KIFBP: variants seen among roughly 807,000 people sequenced by gnomAD.
KIFBP encodes kinesin family binding protein.
Under a neutral mutation model 58.9 loss-of-function variants are expected in KIFBP, and 46 were observed. The ratio of observed to expected loss-of-function variants is 0.78; its 90% confidence interval spans 0.62 to 1.00. The LOEUF (loss-of-function observed/expected upper bound fraction) is 1.00, where lower values mean the gene tolerates loss of function less well. Ranked by LOEUF, KIFBP falls within the 50% of genes least tolerant of loss-of-function variation. KIFBP has a pLI of 0.00. For missense variants in KIFBP, 651 were observed against 752.9 expected (o/e 0.86, Z 1.58); for synonymous variants, 241 against 283.4 (o/e 0.85, Z 1.50).
At position 68,989,188 on chromosome 10, in the gene KIFBP, T is replaced by C; in HGVS notation, c.356T>C (p.Val119Ala). Residue 119 changes from valine to alanine, a missense_variant, in exon 1 of 7, where the codon GTG becomes GCG. Val to Ala is a moderately conservative substitution (Grantham distance 64). Transcript: ENST00000361983. ...CTGTCGGCGGGGGAGGAGCACCTGG[T>C]GAAATGCCTGCGGCTGCTGCGCAGG... ...EELSAGEEHL[V>A]KCLRLLRRYR... is the part of the protein sequence containing the mutation. The C allele has an allele frequency of 6.2e-7, 1 of 1,613,640 alleles. No individual in the cohort carries two copies. The highest frequency in any genetic ancestry group is 8.5e-7 in the Non-Finnish European group (1 of 1,179,902).
intron 2 of KIFBP, among the ~76,000 whole-genome samples, chr10:69,000,853 A>C (rs1236243007): frequency 3.3e-5 from 5 of 152,206 alleles, no homozygotes; most frequent in Admixed American, 3.3e-4. Context: ...TGAAAATAGC[A>C]CTACTTGAAG....
intron 1 of KIFBP, among the ~76,000 whole-genome samples, chr10:68,993,637 A>C (rs1843374792): frequency 6.6e-6 from 1 of 151,670 alleles, no homozygotes; most frequent in Non-Finnish European, 1.5e-5. Context: ...TTATCTTTAT[A>C]GAGATGGGGT....
At chr10:69,007,520 T>A (rs932368266) in intron 4 of KIFBP, 1 of 152,168 alleles carries the variant, frequency 6.6e-6, no homozygotes, top group Non-Finnish European at 1.5e-5. Context: ...AAAGCTGAAA[T>A]GACGATAAAT....
chr10:69,008,912 A>T lies in KIFBP; in HGVS notation c.861A>T (p.Ser287=). The change falls in exon 5 of 7, where the codon TCA becomes TCT. Residue 287 remains serine (S), a synonymous_variant. Transcript: ENST00000361983. ...NVIFGQTGKI[S]ATEDTPEAEG... is the part of the protein sequence containing the mutation. The stretch of plus-strand genomic sequence containing the variant: ...TTTTTGGTCAAACTGGAAAGATCTC[A>T]GCCACAGAAGACAGTAAGTTTACCT... The T allele has an allele frequency of 6.2e-7, 1 of 1,611,824 alleles. No individual in the cohort carries two copies. The highest frequency in any genetic ancestry group is 8.5e-7 in the Non-Finnish European group (1 of 1,177,998).
intron 1 of KIFBP, among the ~76,000 whole-genome samples, chr10:68,997,084 T>C (rs911890526): frequency 4.6e-5 from 7 of 152,142 alleles, no homozygotes; most frequent in Non-Finnish European, 8.8e-5. Context: ...TGTATATATA[T>C]TTTTTTAAGT....
chr10:68,993,606 T>C (rs1328127238), intron 1 of KIFBP, among the ~76,000 whole-genome samples: 2 of 152,002 alleles, frequency 1.3e-5, no homozygotes, highest in Non-Finnish European at 1.5e-5. Flanking sequence ...AAGCTTTTTT[T>C]TTTTTAAATT....
At chr10:68,993,098 G>A (rs1197539729) in intron 1 of KIFBP, among the ~76,000 whole-genome samples, 3 of 152,122 alleles carry the variant, frequency 2.0e-5, no homozygotes, top group Non-Finnish European at 4.4e-5. Flanking sequence ...GTTGGGTGAG[G>A]TTTTCCTGAG....
chr10:69,011,395 C>CT (rs10700812), intron 6 of KIFBP: 11,657 of 129,734 alleles, frequency 0.09, 503 homozygotes, highest in Middle Eastern at 0.16. Flanking sequence ...ATATCATATT[C>CT]TTTTTTTTTT....
intron 1 of KIFBP, 119 bp from the exon 2 acceptor site, chr10:69,000,305 T>G: frequency 1.4e-6 from 1 of 722,238 alleles, no homozygotes; most frequent in Non-Finnish European, 2.5e-6. Flanking sequence ...AATAATTAAT[T>G]CATTGGTAAT....
At chr10:69,013,949 C>T (rs1166528886) in intron 6 of KIFBP, among the ~76,000 whole-genome samples, 1 of 152,086 alleles carries the variant, frequency 6.6e-6, no homozygotes, top group East Asian at 1.9e-4. Context: ...CGATGTTTTA[C>T]CATGTTGCCC....
At position 69,016,052 on chromosome 10, in the gene KIFBP, A is replaced by C. The variant is rs756138362; in HGVS notation, c.1502A>C (p.His501Pro). ...GACAGGCTAAGGGATCCTGATTCAC[A>C]CATTGTAAAAAAAATAAATAATCTT... ...IADRLRDPDS[H>P]IVKKINNLNK... Residue 501 changes from histidine (H) to proline (P), a missense_variant, in exon 7 of 7, where the codon CAC (histidine) becomes CCC (proline). Physicochemically the swap from His to Pro is moderately conservative, Grantham distance 77. Coordinates refer to ENST00000361983, the MANE Select transcript of KIFBP (RefSeq NM_015634.4). The C allele has an allele frequency of 6.2e-7, 1 of 1,614,154 alleles. No homozygotes were observed. Among genetic ancestry groups the C allele is most frequent in the Admixed American group, 1.7e-5 (1 of 60,024 alleles).
In KIFBP at chr10:68,989,062, C is replaced by A. The variant is rs755612919; in HGVS notation, c.230C>A (p.Pro77Gln). ...GCCGGTGACCACGCCCTGGGGCTGCCGGCTGAGGTGGTGGAGCCCGAGGGG... is the reference window on the plus strand; with the variant it reads ...GCCGGTGACCACGCCCTGGGGCTGCAGGCTGAGGTGGTGGAGCCCGAGGGG... ...PGAGDHALGLPAEVVEPEGPV... is the reference protein window; with the variant it reads ...PGAGDHALGLQAEVVEPEGPV... Residue 77 changes from proline to glutamine, a missense_variant, in exon 1 of 7, where the codon CCG becomes CAG. Transcript: ENST00000361983. 1.9e-6 allele frequency: 3 copies of A among 1,612,514 alleles called. No individual in the cohort carries two copies. Among genetic ancestry groups the A allele is most frequent in the Non-Finnish European group, 2.5e-6 (3 of 1,179,014 alleles).
rs759435025 is a variant in KIFBP, at chr10:69,011,051, A to G, written c.990+36A>G. On this transcript the variant is annotated intron_variant, in intron 6 of 6. Coordinates refer to ENST00000361983, the MANE Select transcript of KIFBP (RefSeq NM_015634.4). Reference sequence around the variant, plus strand: ...CAGAAGCTGCCTTTTTCTTTCTTAAATGAGGAAATTGTAAGTAAAAACTCA... The same window carrying G: ...CAGAAGCTGCCTTTTTCTTTCTTAAGTGAGGAAATTGTAAGTAAAAACTCA... 4 of 1,445,450 alleles carry G rather than the reference A, an allele frequency of 2.8e-6. No homozygotes were observed. The South Asian group carries it at 4.6e-5, about 16-fold the overall frequency. The allele number at this position is 1,445,450 out of a possible 1,614,324, so 89.5% of individuals were successfully genotyped here.
At chr10:69,010,560 T>C (rs897517908) in intron 5 of KIFBP, among the ~76,000 whole-genome samples, 1 of 152,148 alleles carries the variant, frequency 6.6e-6, no homozygotes, top group Non-Finnish European at 1.5e-5. Flanking sequence ...TAGTAAAGAA[T>C]TGGAAACAAC....
chr10:68,993,255 A>G (rs773283616), intron 1 of KIFBP, among the ~76,000 whole-genome samples: 1 of 151,000 alleles, frequency 6.6e-6, no homozygotes, highest in Non-Finnish European at 1.5e-5. Flanking sequence ...ACTGACATCC[A>G]CTCATGTTCC....
intron 2 of KIFBP, among the ~76,000 whole-genome samples, chr10:69,001,730 CGACAGTGA>C (rs1043522940): frequency 3.5e-4 from 52 of 148,886 alleles, no homozygotes; most frequent in Middle Eastern, 3.4e-3. Context: ...CCGGCCTGGG[CGACAGTGA>C]GACCCTGTCT....
intron 1 of KIFBP, 72 bp downstream of exon 1, chr10:68,989,330 C>A: frequency 6.5e-7 from 1 of 1,528,448 alleles, no homozygotes; most frequent in Non-Finnish European, 8.9e-7. Context: ...CCTGCCAAGG[C>A]CAAGGGCAGA....
chr10:68,991,499 G>A, intron 1 of KIFBP: 1 of 409,408 alleles, frequency 2.4e-6, no homozygotes, highest in South Asian at 2.0e-5. Context: ...ACTAAGAAAT[G>A]AATAACATTG....
chr10:69,008,029 A>G (rs1275691273), intron 4 of KIFBP, among the ~76,000 whole-genome samples: 2 of 152,120 alleles, frequency 1.3e-5, no homozygotes, highest in Non-Finnish European at 2.9e-5. Context: ...ATTGTATGTA[A>G]AGTTTAAAGA....
Sources: gnomAD v4.1 joint callset for allele counts (sites outside exome capture counted in the v4.1 genomes callset) on GRCh38, gnomAD v4.1.1 for gene constraint, MANE v1.5 for transcripts, NCBI Gene and HGNC (gene_info 2026-07-23, HGNC 2026-07-21) for gene names.